Variants in LINGO2 observed in about 807,000 individuals in gnomAD.
The protein encoded by LINGO2 is leucine rich repeat and Ig domain containing 2.
LINGO2 carries 14 observed loss-of-function variants against 30.6 expected under a neutral mutation model. The observed-to-expected ratio is 0.46, with a 90% CI of 0.30 to 0.72. The LOEUF is 0.72. Among genes scored for constraint, LINGO2 ranks in the 30% least tolerant of loss-of-function variants. The pLI is 0.07. For synonymous variants in LINGO2, 317 were observed against 288.5 expected (o/e 1.10, Z -1.00); for missense variants, 729 against 751.7 (o/e 0.97, Z 0.35).
the LINGO2 span, among the ~76,000 whole-genome samples, chr9:28,713,058 G>T: frequency 6.6e-6 from 1 of 151,912 alleles, no homozygotes; most frequent in Non-Finnish European, 1.5e-5. Context: ...TAGAAACAGG[G>T]TTTCACCATG....
chr9:28,045,339 CTT>C, intron 4 of LINGO2, among the ~76,000 whole-genome samples: 1 of 152,264 alleles, frequency 6.6e-6, no homozygotes. Context: ...AGACAGACTG[CTT>C]AAACTGGAAG....
intron 2 of LINGO2, among the ~76,000 whole-genome samples, chr9:28,373,321 T>G (rs1030988616): frequency 6.6e-6 from 1 of 152,178 alleles, no homozygotes; most frequent in African/African-American, 2.4e-5. Flanking sequence ...GAATGCTGAT[T>G]AGAACACAGG....
chr9:28,190,325 T>G (rs577594961), intron 4 of LINGO2, among the ~76,000 whole-genome samples: 1 of 152,184 alleles, frequency 6.6e-6, no homozygotes, highest in African/African-American at 2.4e-5. Context: ...TTACTACCTC[T>G]CCAGTATGCT....
At chr9:28,718,438 A>G in the LINGO2 span, among the ~76,000 whole-genome samples, 2 of 152,002 alleles carry the variant, frequency 1.3e-5, no homozygotes, top group African/African-American at 4.8e-5. Flanking sequence ...TCAACCAAAC[A>G]TTGCTATCAT....
the LINGO2 span, among the ~76,000 whole-genome samples, chr9:29,114,331 C>A: frequency 6.6e-6 from 1 of 150,996 alleles, no homozygotes; most frequent in African/African-American, 2.4e-5. Context: ...TGCAGAGAAC[C>A]AAGTCCACCC....
chr9:27,937,638 T>A, the LINGO2 span: 1 of 152,164 alleles, frequency 6.6e-6, no homozygotes, highest in South Asian at 2.1e-4. Context: ...AGTATTTTAT[T>A]TTTGTGTCTC....
At chr9:28,058,800 G>A (rs553485050) in intron 4 of LINGO2, among the ~76,000 whole-genome samples, 54 of 152,216 alleles carry the variant, frequency 3.5e-4, no homozygotes, top group African/African-American at 1.3e-3. Flanking sequence ...ATTAATGATA[G>A]TATAAAGACA....
At chr9:28,040,357 T>C (rs1824142320) in intron 4 of LINGO2, among the ~76,000 whole-genome samples, 1 of 152,010 alleles carries the variant, frequency 6.6e-6, no homozygotes, top group African/African-American at 2.4e-5. Flanking sequence ...AATTGGAAGG[T>C]TCCTAGCAAT....
intron 3 of LINGO2, among the ~76,000 whole-genome samples, chr9:28,353,003 A>G (rs1283452022): frequency 6.7e-6 from 1 of 150,344 alleles, no homozygotes; most frequent in East Asian, 2.0e-4. Context: ...AAATCAATTC[A>G]AGATGGATTA....
chr9:28,333,708 C>T (rs1162895412), intron 3 of LINGO2, among the ~76,000 whole-genome samples: 1 of 152,082 alleles, frequency 6.6e-6, no homozygotes, highest in Non-Finnish European at 1.5e-5. Context: ...CACGTCAGGG[C>T]CGTGCCATAT....
At chr9:28,326,932 C>A (rs549309261) in intron 3 of LINGO2, among the ~76,000 whole-genome samples, 1 of 152,126 alleles carries the variant, frequency 6.6e-6, no homozygotes, top group South Asian at 2.1e-4. Context: ...CACCTCTTCA[C>A]ATCCAACAGG....
Position 28,163,589 on chromosome 9 carries a change from A to G in LINGO2, c.-87+131619T>C, listed in dbSNP as rs1828346141. 2.0e-5 allele frequency among the ~76,000 whole-genome samples: 3 copies of G among 152,184 alleles called. No homozygotes were observed. In the South Asian group the frequency reaches 6.2e-4, roughly 31 times the overall value. Reference sequence around the variant, plus strand: ...GTAATGAGTAGATAGATACTACCATATGCTGCTCCTTTCAATGACTTTTTT... The same window carrying G: ...GTAATGAGTAGATAGATACTACCATGTGCTGCTCCTTTCAATGACTTTTTT... On this transcript the variant is annotated intron_variant, in intron 4 of 5. Transcript: ENST00000379992.
chr9:28,544,798 A>G (rs1243644448), intron 1 of LINGO2, among the ~76,000 whole-genome samples: 1 of 149,820 alleles, frequency 6.7e-6, no homozygotes, highest in Non-Finnish European at 1.5e-5. Flanking sequence ...CTATTATTAT[A>G]ATAAGAAAGC....
At chr9:29,108,396 C>T in the LINGO2 span, among the ~76,000 whole-genome samples, 1 of 152,100 alleles carries the variant, frequency 6.6e-6, no homozygotes, top group Non-Finnish European at 1.5e-5. Flanking sequence ...AAAACTCTAA[C>T]AGTAGATTTA....
intron 1 of LINGO2, among the ~76,000 whole-genome samples, chr9:28,644,265 A>G (rs146794159): frequency 6.6e-6 from 1 of 152,134 alleles, no homozygotes; most frequent in Admixed American, 6.6e-5. Context: ...GCAGCTGTTC[A>G]CAATAGCAAA....
At chr9:28,892,454 T>A in the LINGO2 span, among the ~76,000 whole-genome samples, 3 of 152,044 alleles carry the variant, frequency 2.0e-5, no homozygotes, top group African/African-American at 7.2e-5. Flanking sequence ...TTATTCTTGA[T>A]ACTGAATCTG....
chr9:29,037,231 C>A, the LINGO2 span, among the ~76,000 whole-genome samples: 4 of 151,910 alleles, frequency 2.6e-5, no homozygotes, highest in Admixed American at 2.6e-4. Context: ...AATGATGAGA[C>A]TCCTTAATAT....
At chr9:28,421,110 C>CA (rs1280240255) in intron 2 of LINGO2, among the ~76,000 whole-genome samples, 1 of 150,752 alleles carries the variant, frequency 6.6e-6, no homozygotes, top group Non-Finnish European at 1.5e-5. Flanking sequence ...AACAAAGAAA[C>CA]AAAAAAAATT....
intron 2 of LINGO2, among the ~76,000 whole-genome samples, chr9:28,423,496 A>G (rs914995143): frequency 9.2e-5 from 14 of 152,160 alleles, no homozygotes; most frequent in African/African-American, 3.4e-4. Flanking sequence ...AAAGAACTAC[A>G]TATGCATCTT....
Sources: gnomAD v4.1 joint callset for allele counts (sites outside exome capture counted in the v4.1 genomes callset) on GRCh38, gnomAD v4.1.1 for gene constraint, MANE v1.5 for transcripts, NCBI Gene and HGNC (gene_info 2026-07-23, HGNC 2026-07-21) for gene names.